The following CASR variants were observed in gnomAD, a reference collection of about 807,000 sequenced individuals.
The protein encoded by CASR is calcium sensing receptor, also known as extracellular calcium-sensing receptor.
Under a neutral mutation model 69.1 loss-of-function variants are expected in CASR, and 23 were observed. The ratio of observed to expected loss-of-function variants is 0.33; its 90% confidence interval spans 0.24 to 0.47. CASR has a LOEUF of 0.47. Among genes scored for constraint, CASR ranks in the 20% least tolerant of loss-of-function variants. CASR has a pLI of 1.00. For missense variants in CASR, 924 were observed against 1,356.1 expected (o/e 0.68, Z 5.00); for synonymous variants, 541 against 544.7 (o/e 0.99, Z 0.10).
intron 1 of CASR, among the ~76,000 whole-genome samples, chr3:122,225,337 T>C (rs1385623426): frequency 6.7e-6 from 1 of 149,992 alleles, no homozygotes; most frequent in South Asian, 2.1e-4. Context: ...AAAGGTCTAA[T>C]ATCCAGAATT....
intron 1 of CASR, among the ~76,000 whole-genome samples, chr3:122,216,215 G>T (rs140793745): frequency 6.6e-6 from 1 of 152,288 alleles, no homozygotes; most frequent in Non-Finnish European, 1.5e-5. Flanking sequence ...ATCCTAACTG[G>T]GTGAGGGCTT....
intron 1 of CASR, among the ~76,000 whole-genome samples, chr3:122,192,859 T>G (rs528067015): frequency 6.6e-6 from 1 of 152,202 alleles, no homozygotes; most frequent in South Asian, 2.1e-4. Context: ...TTCTCTGCTC[T>G]TCTCACGATC....
At chr3:122,207,847 A>C (rs929214739) in intron 1 of CASR, among the ~76,000 whole-genome samples, 1 of 152,162 alleles carries the variant, frequency 6.6e-6, no homozygotes, top group Admixed American at 6.5e-5. Context: ...GAAGTAAATA[A>C]ACTTCCTTCC....
intron 1 of CASR, among the ~76,000 whole-genome samples, chr3:122,211,510 C>A (rs1176748611): frequency 6.6e-6 from 1 of 152,188 alleles, no homozygotes; most frequent in Non-Finnish European, 1.5e-5. Flanking sequence ...GAGTTCAATA[C>A]CAGTCTGGCC....
chr3:122,269,894 T>C (rs1167482654), intron 4 of CASR, among the ~76,000 whole-genome samples: 1 of 152,024 alleles, frequency 6.6e-6, no homozygotes. Context: ...CAGGATGGAG[T>C]AAAGTGGCAT....
chr3:122,234,059 T>C lies in CASR; in HGVS notation c.-242-19889T>C, dbSNP rs185340311. Reference sequence around the variant, plus strand: ...TGAGAAAGCTGGTGAAGTCAGCTCCTTTCAACTTGGAGAAGCCATTGCTCA... The same window carrying C: ...TGAGAAAGCTGGTGAAGTCAGCTCCCTTCAACTTGGAGAAGCCATTGCTCA... On this transcript the variant is annotated intron_variant, in intron 1 of 6. Coordinates refer to ENST00000639785, the MANE Select transcript of CASR (RefSeq NM_000388.4). 5.9e-5 allele frequency among the ~76,000 whole-genome samples: 9 copies of C among 152,346 alleles called. No homozygotes were observed. In the East Asian group the frequency reaches 1.7e-3, roughly 29 times the overall value.
chr3:122,212,637 T>C (rs2107596414), intron 1 of CASR, among the ~76,000 whole-genome samples: 1 of 107,788 alleles, frequency 9.3e-6, no homozygotes, highest in South Asian at 2.9e-4. Flanking sequence ...TTCCAGATTT[T>C]CTACAATTTT....
At chr3:122,274,238 T>C (rs1414246178) in intron 4 of CASR, among the ~76,000 whole-genome samples, 1 of 152,220 alleles carries the variant, frequency 6.6e-6, no homozygotes. Flanking sequence ...GTTCACAGAC[T>C]GCAGGTTAAG....
Position 122,284,474 on chromosome 3 carries a change from C to A in CASR, c.2520C>A (p.Ala840=). 1 of 1,613,570 alleles carries A rather than the reference C, an allele frequency of 6.2e-7. No homozygotes were observed. The highest frequency in any genetic ancestry group is 1.1e-5 in the South Asian group (1 of 91,086). ...TTGTCTCTGCCGTAGAGGTGATTGC[C>A]ATCCTGGCAGCCAGCTTTGGCTTGC... ...GKFVSAVEVI[A]ILAASFGLLA... The change falls in exon 7 of 7, where the codon GCC becomes GCA. Residue 840 remains alanine (A), a synonymous_variant. Transcript: ENST00000639785.
chr3:122,239,122 T>C (rs2074357008), intron 1 of CASR, among the ~76,000 whole-genome samples: 1 of 152,030 alleles, frequency 6.6e-6, no homozygotes, highest in Admixed American at 6.5e-5. Context: ...GGCTCTTGGG[T>C]CCCGAGCCCA....
intron 1 of CASR, among the ~76,000 whole-genome samples, chr3:122,213,573 C>A (rs2074088793): frequency 6.6e-6 from 1 of 152,048 alleles, no homozygotes; most frequent in African/African-American, 2.4e-5. Context: ...TGGCACCATA[C>A]CCCATATGAA....
intron 1 of CASR, among the ~76,000 whole-genome samples, chr3:122,205,173 T>C (rs2073994794): frequency 6.6e-6 from 1 of 152,174 alleles, no homozygotes; most frequent in Non-Finnish European, 1.5e-5. Context: ...TCCCGAAGCA[T>C]TTCCTGAGTG....
intron 1 of CASR, among the ~76,000 whole-genome samples, chr3:122,239,953 A>C (rs2074364789): frequency 6.6e-6 from 1 of 152,232 alleles, no homozygotes; most frequent in African/African-American, 2.4e-5. Flanking sequence ...AGAGAAATAG[A>C]TAGGGGTAGA....
chr3:122,250,691 A>G (rs772012093), intron 1 of CASR, among the ~76,000 whole-genome samples: 45 of 152,264 alleles, frequency 3.0e-4, no homozygotes, highest in Admixed American at 2.6e-3. Flanking sequence ...CAATGCCTGG[A>G]TCAATAAATG....
chr3:122,229,009 T>A (rs749281468), intron 1 of CASR, among the ~76,000 whole-genome samples: 8 of 152,228 alleles, frequency 5.3e-5, no homozygotes, highest in Non-Finnish European at 8.8e-5. Flanking sequence ...TTATTATAAA[T>A]GATCTGATGC....
chr3:122,259,471 A>G (rs2074594908), intron 3 of CASR, among the ~76,000 whole-genome samples: 1 of 152,164 alleles, frequency 6.6e-6, no homozygotes, highest in South Asian at 2.1e-4. Context: ...AAGGGAAAAA[A>G]TTATCAATTT....
intron 1 of CASR, chr3:122,247,641 T>C (rs2074440627): frequency 6.6e-6 from 1 of 152,250 alleles, no homozygotes; most frequent in African/African-American, 2.4e-5. Flanking sequence ...GAGTTTGTTA[T>C]GTTGCCGGCA....
At position 122,214,501 on chromosome 3, in the gene CASR, G is replaced by A. The variant is rs568307487; in HGVS notation, c.-243+30689G>A. 2.6e-5 allele frequency among the ~76,000 whole-genome samples: 4 copies of A among 152,254 alleles called. No individual in the cohort carries two copies. In the South Asian group the frequency reaches 6.2e-4, roughly 24 times the overall value. On this transcript the variant is annotated intron_variant, in intron 1 of 6. Coordinates refer to ENST00000639785, the MANE Select transcript of CASR (RefSeq NM_000388.4). ...TTGTTGTTCTCTTAGTTCAGAAGGC[G>A]TAAACCTCAGTGAGGAGGTGGGATG...
In CASR at chr3:122,264,984, CT is replaced by C. The variant is rs71621678; in HGVS notation, c.1377+2573del. Among the ~76,000 whole-genome samples, 559 of 152,300 alleles carry C rather than the reference CT, an allele frequency of 3.7e-3. 2 individuals are homozygous for C. Among genetic ancestry groups the C allele is most frequent in the Non-Finnish European group, 6.5e-3 (442 of 68,018 alleles). On this transcript the variant is annotated intron_variant, in intron 4 of 6. Coordinates refer to ENST00000639785, the MANE Select transcript of CASR (RefSeq NM_000388.4). ...CCCTATAAGCCAACCTGCATGACAC[CT>C]CCTCACAAATCACTCATTAGTTTTT... is the stretch of plus-strand genomic sequence containing the variant.
Sources: allele counts gnomAD v4.1 joint callset (sites outside exome capture counted in the v4.1 genomes callset), GRCh38; gene constraint gnomAD v4.1.1; transcripts MANE v1.5; gene names NCBI Gene and HGNC (gene_info 2026-07-23, HGNC 2026-07-21).